Variants in GPR158 observed in about 807,000 individuals in gnomAD.
GPR158 encodes the protein metabotropic glycine receptor.
A neutral mutation model predicts 78.2 loss-of-function variants in GPR158; 30 were observed. That is an observed-to-expected ratio of 0.38 (90% CI 0.29 to 0.52). The LOEUF is 0.52. GPR158 is among the 20% of genes least tolerant of loss of function. The pLI, the probability that GPR158 is intolerant of heterozygous loss-of-function variation, is 0.83. For missense variants in GPR158, 1,463 were observed against 1,523.5 expected (o/e 0.96, Z 0.66); for synonymous variants, 581 against 591.1 (o/e 0.98, Z 0.25).
intron 2 of GPR158, among the ~76,000 whole-genome samples, chr10:25,247,337 T>C (rs1224314539): frequency 6.6e-6 from 1 of 151,340 alleles, no homozygotes; most frequent in Admixed American, 6.6e-5. Context: ...TATTATACTT[T>C]AAGTTTTAGG....
intron 5 of GPR158, among the ~76,000 whole-genome samples, chr10:25,492,367 C>T (rs903496235): frequency 1.3e-5 from 2 of 152,130 alleles, no homozygotes; most frequent in African/African-American, 4.8e-5. Flanking sequence ...TACAGACTTT[C>T]CCCCACCATC....
At chr10:25,315,534 A>C (rs1423304313) in intron 2 of GPR158, among the ~76,000 whole-genome samples, 1 of 152,084 alleles carries the variant, frequency 6.6e-6, no homozygotes, top group African/African-American at 2.4e-5. Flanking sequence ...TCTTGAACTA[A>C]ATTGAAAAAT....
intron 2 of GPR158, among the ~76,000 whole-genome samples, chr10:25,310,526 G>T (rs1399191091): frequency 1.3e-5 from 2 of 152,072 alleles, no homozygotes; most frequent in East Asian, 3.9e-4. Flanking sequence ...ATGAATGTGG[G>T]ATGTTTTTCC....
chr10:25,481,648 G>T (rs1408960841), intron 5 of GPR158, among the ~76,000 whole-genome samples: 1 of 152,152 alleles, frequency 6.6e-6, no homozygotes, highest in Non-Finnish European at 1.5e-5. Context: ...CCTAGAAGTG[G>T]AATTGCTGCA....
intron 1 of GPR158, among the ~76,000 whole-genome samples, chr10:25,211,425 C>T (rs1006256087): frequency 3.3e-5 from 5 of 152,070 alleles, no homozygotes; most frequent in Admixed American, 3.3e-4. Flanking sequence ...CATCTTGTGG[C>T]AGGAGGTGAA....
chr10:25,394,089 T>C (rs568020870), intron 2 of GPR158, among the ~76,000 whole-genome samples: 4 of 152,342 alleles, frequency 2.6e-5, no homozygotes, highest in African/African-American at 9.6e-5. Context: ...ATCTAAAGAC[T>C]TTCTCAGATC....
intron 1 of GPR158, among the ~76,000 whole-genome samples, chr10:25,214,457 T>C (rs1853178818): frequency 6.6e-6 from 1 of 152,174 alleles, no homozygotes; most frequent in South Asian, 2.1e-4. Context: ...TAATACATCT[T>C]ACATAACCAT....
At chr10:25,366,051 A>G (rs1406835361) in intron 2 of GPR158, among the ~76,000 whole-genome samples, 1 of 151,726 alleles carries the variant, frequency 6.6e-6, no homozygotes, top group African/African-American at 2.4e-5. Context: ...ATATAACACT[A>G]ATATATTTAC....
intron 5 of GPR158, among the ~76,000 whole-genome samples, chr10:25,480,975 C>G (rs1482916882): frequency 6.6e-6 from 1 of 150,988 alleles, no homozygotes; most frequent in Non-Finnish European, 1.5e-5. Context: ...GATAGCCACT[C>G]TCCAGAAGAA....
At chr10:25,228,024 G>T (rs1029158932) in intron 2 of GPR158, among the ~76,000 whole-genome samples, 4 of 152,152 alleles carry the variant, frequency 2.6e-5, no homozygotes, top group Non-Finnish European at 2.9e-5. Context: ...CATTAAAAAT[G>T]CATACTTCTT....
At chr10:25,390,287 G>T (rs902719055) in intron 2 of GPR158, among the ~76,000 whole-genome samples, 1 of 152,236 alleles carries the variant, frequency 6.6e-6, no homozygotes, top group Admixed American at 6.5e-5. Context: ...ACAGATAGAG[G>T]TTGGAACAGT....
Position 25,589,062 on chromosome 10 carries a change from C to A in GPR158, c.1809C>A (p.Val603=). 1 of 1,611,828 alleles carries A rather than the reference C, an allele frequency of 6.2e-7. No homozygotes were observed. Among genetic ancestry groups the A allele is most frequent in the Non-Finnish European group, 8.5e-7 (1 of 1,178,136 alleles). ...ATCTCTGCTATGCAGTGCGGACAGT[C>A]CCATCGGCATTCCATGAGCCCCGCT... ...GVYLCYAVRT[V]PSAFHEPRYM... is the part of the protein sequence containing the mutation. Residue 603 remains valine, a synonymous_variant, in exon 8 of 11, where the codon GTC becomes GTA. Transcript: ENST00000376351.
At chr10:25,322,086 G>GA (rs1854957090) in intron 2 of GPR158, among the ~76,000 whole-genome samples, 1 of 152,114 alleles carries the variant, frequency 6.6e-6, no homozygotes, top group Admixed American at 6.5e-5. Context: ...AGATTTCTTA[G>GA]AAAATCACAG....
intron 2 of GPR158, among the ~76,000 whole-genome samples, chr10:25,368,104 T>TA (rs1343305960): frequency 2.0e-5 from 3 of 151,872 alleles, no homozygotes; most frequent in Non-Finnish European, 2.9e-5. Context: ...CTAGAGGAAT[T>TA]AGCCCCACCT....
intron 2 of GPR158, among the ~76,000 whole-genome samples, chr10:25,255,197 A>C (rs1416215205): frequency 6.6e-6 from 1 of 152,218 alleles, no homozygotes; most frequent in East Asian, 1.9e-4. Flanking sequence ...AAACCTTGAC[A>C]ATTATAGCTG....
At chr10:25,471,886 C>G (rs1249909199) in intron 5 of GPR158, among the ~76,000 whole-genome samples, 8 of 152,028 alleles carry the variant, frequency 5.3e-5, no homozygotes, top group Non-Finnish European at 8.8e-5. Flanking sequence ...GAGTAGGTTG[C>G]GAAAATTTTC....
chr10:25,588,930 TAAAC>T (rs144466352), intron 7 of GPR158, 73 bp from the exon 8 acceptor site: 335,828 of 1,054,024 alleles, frequency 0.32, 55,648 homozygotes, highest in East Asian at 0.48. Context: ...TGTTGAATAA[TAAAC>T]AAAATGCATG....
intron 3 of GPR158, among the ~76,000 whole-genome samples, chr10:25,405,752 T>G (rs1035293890): frequency 4.6e-5 from 7 of 151,986 alleles, no homozygotes; most frequent in Non-Finnish European, 1.0e-4. Flanking sequence ...TCTACTATAT[T>G]TAACAAATTG....
rs60869522 is a variant in GPR158 at position 25,211,140 on chromosome 10, GAA to G, written c.903-9900_903-9899del. On this transcript the variant is annotated intron_variant, in intron 1 of 10. Coordinates refer to ENST00000376351, the MANE Select transcript of GPR158 (RefSeq NM_020752.3). Reference sequence around the variant, plus strand: ...AGGGAGAGACTGTCTCAAGAAAAAAGAAAAAAAAAAAAACAGAATTTTAAAAA... The same window carrying G: ...AGGGAGAGACTGTCTCAAGAAAAAAGAAAAAAAAAAACAGAATTTTAAAAA... 7.0e-3 allele frequency among the ~76,000 whole-genome samples: 875 copies of G among 125,610 alleles called. 12 individuals carry two copies. Among genetic ancestry groups the G allele is most frequent in the African/African-American group, 0.022 (788 of 35,130 alleles). 82.4% of individuals were successfully genotyped at this position (125,610 alleles called of 152,430 possible).
Sources: gnomAD v4.1 joint callset for allele counts (sites outside exome capture counted in the v4.1 genomes callset) on GRCh38, gnomAD v4.1.1 for gene constraint, MANE v1.5 for transcripts, NCBI Gene and HGNC (gene_info 2026-07-23, HGNC 2026-07-21) for gene names.